The following TENM2 variants were observed in gnomAD, a reference collection of about 807,000 sequenced individuals.
TENM2 encodes the protein teneurin transmembrane protein 2.
Under a neutral mutation model 245.2 loss-of-function variants are expected in TENM2, and 52 were observed. The ratio of observed to expected loss-of-function variants is 0.21; its 90% CI spans 0.17 to 0.27. TENM2 has a LOEUF of 0.27. TENM2 is among the 10% of genes least tolerant of loss of function. The probability of loss-of-function intolerance (pLI) is 1.00; values close to 1 mark genes in which losing one functional copy is unlikely to be tolerated. For synonymous variants in TENM2, 1,363 were observed against 1,438.9 expected (o/e 0.95, Z 1.19); for missense variants, 3,046 against 3,666.8 (o/e 0.83, Z 4.37).
At chr5:167,357,506 C>A (rs189252904) in intron 1 of TENM2, among the ~76,000 whole-genome samples, 1 of 151,920 alleles carries the variant, frequency 6.6e-6, no homozygotes, top group Admixed American at 6.6e-5. Flanking sequence ...GTGATCCTCC[C>A]GCCTCAGCCT....
intron 23 of TENM2, among the ~76,000 whole-genome samples, chr5:168,225,534 G>A (rs1006322782): frequency 6.6e-6 from 1 of 152,264 alleles, no homozygotes; most frequent in Non-Finnish European, 1.5e-5. Flanking sequence ...GCCAAGGCAG[G>A]TGGATCACCT....
chr5:168,031,513 T>G (rs1787137750), intron 5 of TENM2, among the ~76,000 whole-genome samples: 1 of 152,176 alleles, frequency 6.6e-6, no homozygotes, highest in African/African-American at 2.4e-5. Flanking sequence ...TTTGCATACT[T>G]TATTTCATTG....
exon 27 of TENM2, chr5:168,246,895 A>T: frequency 6.2e-7 from 1 of 1,613,932 alleles, no homozygotes; most frequent in Non-Finnish European, 8.5e-7. Context: ...CATCCGTAAT[A>T]TTTACAACCC....
intron 2 of TENM2, among the ~76,000 whole-genome samples, chr5:167,512,065 T>C (rs925356382): frequency 6.6e-6 from 1 of 152,150 alleles, no homozygotes; most frequent in Non-Finnish European, 1.5e-5. Flanking sequence ...ATAGGGAATG[T>C]CAGAATTGGA....
intron 2 of TENM2, among the ~76,000 whole-genome samples, chr5:167,818,929 C>T (rs1767282591): frequency 6.6e-6 from 1 of 152,106 alleles, no homozygotes; most frequent in Non-Finnish European, 1.5e-5. Context: ...GGCTGGATAA[C>T]CCAGCATTCT....
At chr5:167,169,768 C>T in the TENM2 span, among the ~76,000 whole-genome samples, 1 of 152,146 alleles carries the variant, frequency 6.6e-6, no homozygotes. Context: ...CTCTTTTGGC[C>T]TTCCTCTTGG....
chr5:168,175,805 C>T (rs1759306898), intron 13 of TENM2, among the ~76,000 whole-genome samples: 1 of 152,222 alleles, frequency 6.6e-6, no homozygotes, highest in African/African-American at 2.4e-5. Flanking sequence ...CAAGCTTCTC[C>T]TGCTCTTACT....
chr5:167,761,988 C>T (rs1762701834), intron 2 of TENM2, among the ~76,000 whole-genome samples: 2 of 152,208 alleles, frequency 1.3e-5, no homozygotes, highest in African/African-American at 2.4e-5. Flanking sequence ...CCATTGGAAC[C>T]AGCGCCTCAG....
chr5:167,468,025 C>A (rs1276155204), intron 2 of TENM2, among the ~76,000 whole-genome samples: 1 of 152,160 alleles, frequency 6.6e-6, no homozygotes, highest in Non-Finnish European at 1.5e-5. Context: ...CAACCTCTGC[C>A]TCCCGGGTTC....
At chr5:168,116,324 G>T (rs138532676) in intron 9 of TENM2, among the ~76,000 whole-genome samples, 1 of 151,968 alleles carries the variant, frequency 6.6e-6, no homozygotes, top group Admixed American at 6.6e-5. Flanking sequence ...TGAAAATAGC[G>T]CCCCCAGTAG....
At chr5:167,518,056 G>A (rs145724032) in intron 2 of TENM2, among the ~76,000 whole-genome samples, 17 of 151,556 alleles carry the variant, frequency 1.1e-4, no homozygotes, top group Admixed American at 8.6e-4. Flanking sequence ...ATGTTACGGC[G>A]CACACCTGTA....
chr5:167,292,014 C>T (rs1031292622), intron 1 of TENM2, among the ~76,000 whole-genome samples: 8 of 152,066 alleles, frequency 5.3e-5, no homozygotes, highest in South Asian at 2.1e-4. Context: ...TCTTACATGG[C>T]GGCAGGGAAG....
chr5:167,747,556 GA>G lies in TENM2; in HGVS notation c.503-128428del, dbSNP rs1761677095. Among the ~76,000 whole-genome samples, 4 of 152,262 alleles carry G rather than the reference GA, an allele frequency of 2.6e-5. No individual in the cohort carries two copies. The South Asian group carries it at 8.3e-4, about 32-fold the overall frequency. On this transcript the variant is annotated intron_variant, in intron 2 of 28. Coordinates refer to ENST00000518659, the Ensembl canonical transcript of TENM2. ...TCACGCTGATACTCAGCTCAAATGT[GA>G]ATACTTTTGCCACATTTCGGTAACA...
At chr5:167,783,173 G>GTTTTTTTTT (rs34061894) in intron 2 of TENM2, among the ~76,000 whole-genome samples, 1 of 143,972 alleles carries the variant, frequency 6.9e-6, no homozygotes. Flanking sequence ...CTAGAAACAG[G>GTTTTTTTTT]TTTTTTTTTT....
intron 2 of TENM2, among the ~76,000 whole-genome samples, chr5:167,383,759 TAAATGTAC>T (rs2127343925): frequency 6.7e-6 from 1 of 148,840 alleles, no homozygotes; most frequent in Non-Finnish European, 1.5e-5. Context: ...AACTTCCGTA[TAAATGTAC>T]CTTCATTTTC....
At position 168,004,517 on chromosome 5, in the gene TENM2, G is replaced by GCGCGCGCGCACA. The variant is rs898616203; in HGVS notation, c.1186+11336_1186+11337insGCGCGCGCACAC. 2.5e-3 allele frequency among the ~76,000 whole-genome samples: 334 copies of GCGCGCGCGCACA among 132,212 alleles called. 2 individuals carry two copies. The highest frequency in any genetic ancestry group is 9.5e-3 in the African/African-American group (313 of 33,102). 86.7% of individuals were successfully genotyped at this position (132,212 alleles called of 152,430 possible). A position where few individuals can be genotyped will look rare whatever the true frequency, so the allele number is the denominator to read the frequency against. On this transcript the variant is annotated intron_variant, in intron 5 of 28. Coordinates refer to ENST00000518659, the Ensembl canonical transcript of TENM2. The stretch of plus-strand genomic sequence containing the variant: ...TTGGGATGCACGCATGCGCGCGCGC[G>GCGCGCGCGCACA]CACACACACACACACACACACACAC...
At chr5:167,368,289 T>C (rs1581858635) in intron 1 of TENM2, among the ~76,000 whole-genome samples, 1 of 151,916 alleles carries the variant, frequency 6.6e-6, no homozygotes, top group East Asian at 1.9e-4. Flanking sequence ...ATGATGCATA[T>C]TTTTTTTCAA....
chr5:167,493,352 G>A (rs1363947763), intron 2 of TENM2, among the ~76,000 whole-genome samples: 3 of 152,086 alleles, frequency 2.0e-5, no homozygotes, highest in African/African-American at 7.2e-5. Flanking sequence ...TATTTATTAT[G>A]AGCATGGACC....
At chr5:167,787,601 C>T (rs550245194) in intron 2 of TENM2, among the ~76,000 whole-genome samples, 22 of 152,320 alleles carry the variant, frequency 1.4e-4, no homozygotes, top group African/African-American at 5.3e-4. Context: ...AAAAGGCTTT[C>T]CTTTTCCAGT....
Sources: gnomAD v4.1 joint callset for allele counts (sites outside exome capture counted in the v4.1 genomes callset) on GRCh38, gnomAD v4.1.1 for gene constraint, MANE v1.5 for transcripts, NCBI Gene and HGNC (gene_info 2026-07-23, HGNC 2026-07-21) for gene names.